Variants in TBC1D22A observed in about 807,000 individuals in gnomAD.
The protein encoded by TBC1D22A is TBC1 domain family member 22A.
TBC1D22A carries 38 observed loss-of-function variants against 60.2 expected under a neutral mutation model. The ratio of observed to expected loss-of-function variants is 0.63; its 90% CI spans 0.49 to 0.83. TBC1D22A has a LOEUF of 0.83. Among genes scored for constraint, TBC1D22A ranks in the 40% least tolerant of loss-of-function variants. The pLI, the probability that TBC1D22A is intolerant of heterozygous loss-of-function variation, is 0.00. For synonymous variants in TBC1D22A, 302 were observed against 281.7 expected (o/e 1.07, Z -0.72); for missense variants, 628 against 701.0 (o/e 0.90, Z 1.18).
rs139409232 is a variant in TBC1D22A at position 46,999,840 on chromosome 22, A to C, written c.1201+2131A>C. 3.9e-5 allele frequency among the ~76,000 whole-genome samples: 6 copies of C among 152,126 alleles called. No individual in the cohort carries two copies. In the East Asian group the frequency reaches 1.2e-3, roughly 29 times the overall value. On this transcript the variant is annotated intron_variant, in intron 10 of 12. Coordinates refer to ENST00000337137, the MANE Select transcript of TBC1D22A (RefSeq NM_014346.5). The stretch of plus-strand genomic sequence containing the variant: ...GGAGATCGAGACCATCCTGGTTAAC[A>C]TGGTGAAACCCTGTCTCTACTAAAA...
chr22:47,157,404 C>T (rs749949699), intron 12 of TBC1D22A, among the ~76,000 whole-genome samples: 2 of 152,184 alleles, frequency 1.3e-5, no homozygotes, highest in African/African-American at 4.8e-5. Flanking sequence ...CATTATTTGG[C>T]GGCTTGGAAC....
intron 11 of TBC1D22A, among the ~76,000 whole-genome samples, chr22:47,097,248 T>C (rs1227554267): frequency 7.5e-6 from 1 of 133,642 alleles, no homozygotes; most frequent in Non-Finnish European, 1.6e-5. Context: ...CCCTTTGCTC[T>C]TCAATATCAA....
At chr22:47,149,398 T>C (rs79566877) in intron 12 of TBC1D22A, among the ~76,000 whole-genome samples, 5,438 of 152,320 alleles carry the variant, frequency 0.036, 314 homozygotes, top group African/African-American at 0.12. Flanking sequence ...TGCCACACAG[T>C]ATTTATCCCT....
At chr22:46,851,174 G>T (rs1405876994) in intron 4 of TBC1D22A, among the ~76,000 whole-genome samples, 3 of 152,248 alleles carry the variant, frequency 2.0e-5, no homozygotes, top group Non-Finnish European at 4.4e-5. Context: ...AAACATACCT[G>T]TTGGCTTTGC....
intron 12 of TBC1D22A, among the ~76,000 whole-genome samples, chr22:47,157,589 C>T (rs543121299): frequency 1.2e-4 from 18 of 152,350 alleles, no homozygotes; most frequent in Non-Finnish European, 2.4e-4. Context: ...CCTTCCCACA[C>T]GTGCGTCCCA....
In TBC1D22A at chr22:46,874,101, C is replaced by T. The variant is rs185626354; in HGVS notation, c.638-4552C>T. On this transcript the variant is annotated intron_variant, in intron 4 of 12. Coordinates refer to ENST00000337137, the MANE Select transcript of TBC1D22A (RefSeq NM_014346.5). Reference sequence around the variant, plus strand: ...CTGGGATTACAGGCGTGAGCCACCGCGCCTGGCCAATCTTGTTTCTTTTTA... The same window carrying T: ...CTGGGATTACAGGCGTGAGCCACCGTGCCTGGCCAATCTTGTTTCTTTTTA... Among the ~76,000 whole-genome samples the T allele has an allele frequency of 2.2e-3, 337 of 152,292 alleles. 2 individuals carry two copies. The highest frequency in any genetic ancestry group is 7.5e-3 in the African/African-American group (313 of 41,558).
intron 8 of TBC1D22A, among the ~76,000 whole-genome samples, chr22:46,921,972 G>A (rs1341428844): frequency 6.6e-6 from 1 of 152,146 alleles, no homozygotes; most frequent in African/African-American, 2.4e-5. Flanking sequence ...GCCAGGGTCT[G>A]TGTCTGGAGT....
chr22:46,994,474 C>T (rs542691291), intron 9 of TBC1D22A, among the ~76,000 whole-genome samples: 3 of 152,126 alleles, frequency 2.0e-5, no homozygotes, highest in Non-Finnish European at 1.5e-5. Context: ...GCAGCAGCTG[C>T]GCTCCAAGCT....
intron 7 of TBC1D22A, among the ~76,000 whole-genome samples, chr22:46,901,791 AT>A: frequency 6.6e-6 from 1 of 152,236 alleles, no homozygotes; most frequent in Middle Eastern, 3.4e-3. Flanking sequence ...ATGCTTCTGG[AT>A]TTTGAGGGCT....
rs559713939 is a variant in TBC1D22A at position 46,801,681 on chromosome 22, C to T, written c.637+4061C>T. Among the ~76,000 whole-genome samples the T allele has an allele frequency of 4.9e-4, 74 of 152,308 alleles. 1 individual carries two copies. Among genetic ancestry groups the T allele is most frequent in the African/African-American group, 1.6e-3 (68 of 41,572 alleles). On this transcript the variant is annotated intron_variant, in intron 4 of 12. Coordinates refer to ENST00000337137, the MANE Select transcript of TBC1D22A (RefSeq NM_014346.5). ...GGCCTGCCTCGCAGCAGTGGGGCCTCGGAGGGCAAACTGTGTGTGGAGCTC... is the reference window on the plus strand; with the variant it reads ...GGCCTGCCTCGCAGCAGTGGGGCCTTGGAGGGCAAACTGTGTGTGGAGCTC...
At chr22:47,057,126 G>A (rs184247171) in intron 11 of TBC1D22A, among the ~76,000 whole-genome samples, 1 of 152,324 alleles carries the variant, frequency 6.6e-6, no homozygotes, top group East Asian at 1.9e-4. Flanking sequence ...GTTGGATTCC[G>A]AGGCTGTTTT....
At chr22:47,113,223 G>T (rs1360061963) in intron 12 of TBC1D22A, among the ~76,000 whole-genome samples, 1 of 152,204 alleles carries the variant, frequency 6.6e-6, no homozygotes, top group Non-Finnish European at 1.5e-5. Flanking sequence ...ACTGTATGCT[G>T]CCTCCCGGAG....
intron 10 of TBC1D22A, among the ~76,000 whole-genome samples, chr22:47,003,088 G>A (rs1245839070): frequency 6.6e-6 from 1 of 152,126 alleles, no homozygotes; most frequent in Non-Finnish European, 1.5e-5. Flanking sequence ...AAGGGCTAGG[G>A]GCGCCAAACT....
chr22:47,069,398 GGGAGTGGC>G (rs1309258834), intron 11 of TBC1D22A, among the ~76,000 whole-genome samples: 1 of 152,194 alleles, frequency 6.6e-6, no homozygotes, highest in African/African-American at 2.4e-5. Flanking sequence ...CATGGCTCTT[GGGAGTGGC>G]GGAATCTTAA....
intron 11 of TBC1D22A, among the ~76,000 whole-genome samples, chr22:47,056,467 C>T (rs760298866): frequency 6.6e-5 from 10 of 152,128 alleles, no homozygotes; most frequent in Non-Finnish European, 1.0e-4. Context: ...AGGCCACCCC[C>T]CTTCCTGATG....
intron 4 of TBC1D22A, among the ~76,000 whole-genome samples, chr22:46,851,881 G>C (rs2147282540): frequency 6.6e-6 from 1 of 152,330 alleles, no homozygotes; most frequent in East Asian, 1.9e-4. Context: ...TGAATGTCAT[G>C]TTGGTCAAAG....
chr22:47,127,619 G>T (rs1569462076), intron 12 of TBC1D22A, among the ~76,000 whole-genome samples: 1 of 152,014 alleles, frequency 6.6e-6, no homozygotes, highest in African/African-American at 2.4e-5. Context: ...TGGCCAGCTT[G>T]CTCTTCCACT....
chr22:46,809,222 T>TTGTC (rs1356732302), intron 4 of TBC1D22A, among the ~76,000 whole-genome samples: 1 of 152,060 alleles, frequency 6.6e-6, no homozygotes, highest in African/African-American at 2.4e-5. Flanking sequence ...TTTTGCTGAG[T>TTGTC]TGTCACATGG....
At chr22:46,855,053 A>G (rs1267426734) in intron 4 of TBC1D22A, among the ~76,000 whole-genome samples, 1 of 152,114 alleles carries the variant, frequency 6.6e-6, no homozygotes, top group Non-Finnish European at 1.5e-5. Context: ...GTGTCTTTCC[A>G]CCCATTTTCT....
Sources: gnomAD v4.1 joint callset for allele counts (sites outside exome capture counted in the v4.1 genomes callset) on GRCh38, gnomAD v4.1.1 for gene constraint, MANE v1.5 for transcripts, NCBI Gene and HGNC (gene_info 2026-07-23, HGNC 2026-07-21) for gene names.